HDAC9: variants seen among roughly 807,000 people sequenced by gnomAD.
The protein encoded by HDAC9 is histone deacetylase 9.
In HDAC9, 41 loss-of-function variants were observed where a neutral mutation model predicts 139.4. That is an observed-to-expected ratio of 0.29 (90% CI 0.23 to 0.38). The LOEUF (loss-of-function observed/expected upper bound fraction) is 0.38. Among genes scored for constraint, HDAC9 ranks in the 10% least tolerant of loss-of-function variants. HDAC9 has a pLI of 1.00. For missense variants in HDAC9, 1,147 were observed against 1,297.0 expected, an observed-to-expected ratio of 0.88 and a Z score of 1.78; for synonymous variants, 517 against 476.2, an observed-to-expected ratio of 1.09 and a Z score of -1.12.
chr7:18,439,072 C>T (rs937190978), intron 1 of HDAC9, among the ~76,000 whole-genome samples: 1 of 152,084 alleles, frequency 6.6e-6, no homozygotes, highest in Non-Finnish European at 1.5e-5. Flanking sequence ...AGTGTGAGTA[C>T]CCTCCACTTA....
intron 1 of HDAC9, among the ~76,000 whole-genome samples, chr7:18,092,761 T>G (rs1782251512): frequency 1.3e-5 from 2 of 152,192 alleles, no homozygotes. Context: ...TCATGATGAC[T>G]TCTTGGAAGA....
intron 2 of HDAC9, among the ~76,000 whole-genome samples, chr7:18,534,553 A>G (rs1468058898): frequency 6.6e-6 from 1 of 152,156 alleles, no homozygotes; most frequent in Non-Finnish European, 1.5e-5. Flanking sequence ...TCTAAAAAAA[A>G]ATTTAGAGAG....
rs145859975 is a variant in HDAC9 at position 18,818,590 on chromosome 7, C to G, written c.2323-10571C>G. ...AAAAATTAGTAAGTAGCTAGCAGGACTACTGGGTATTAAAGGTAGTATTAA... is the reference window on the plus strand; with the variant it reads ...AAAAATTAGTAAGTAGCTAGCAGGAGTACTGGGTATTAAAGGTAGTATTAA... On this transcript the variant is annotated intron_variant, in intron 17 of 25. Coordinates refer to ENST00000686413, the MANE Select transcript of HDAC9 (RefSeq NM_178425.4). Among the ~76,000 whole-genome samples, 744 of 152,254 alleles carry G rather than the reference C, an allele frequency of 4.9e-3. 4 individuals carry two copies. The highest frequency in any genetic ancestry group is 0.017 in the African/African-American group (699 of 41,542).
intron 2 of HDAC9, among the ~76,000 whole-genome samples, chr7:18,179,618 C>G (rs1283115532): frequency 1.3e-5 from 2 of 152,090 alleles, no homozygotes; most frequent in African/African-American, 4.8e-5. Flanking sequence ...TAAATAAACC[C>G]AAACGTCTTT....
chr7:18,835,821 T>C, intron 20 of HDAC9, 79 bp from the exon 21 acceptor site: 1 of 1,047,218 alleles, frequency 9.5e-7, no homozygotes, highest in Non-Finnish European at 1.4e-6. Context: ...AGAGCTCCCA[T>C]GTGCTTGTTT....
chr7:18,271,544 G>A (rs1796355140), intron 2 of HDAC9, among the ~76,000 whole-genome samples: 1 of 152,178 alleles, frequency 6.6e-6, no homozygotes, highest in South Asian at 2.1e-4. Context: ...TGATCCAGCT[G>A]TATAGACTAA....
chr7:18,595,572 G>A (rs978243017), intron 6 of HDAC9, among the ~76,000 whole-genome samples: 1 of 151,978 alleles, frequency 6.6e-6, no homozygotes, highest in African/African-American at 2.4e-5. Context: ...GGCAGTGAAT[G>A]GCATTCAAGA....
chr7:18,907,342 T>A (rs1175497858), intron 22 of HDAC9, among the ~76,000 whole-genome samples: 1 of 152,192 alleles, frequency 6.6e-6, no homozygotes, highest in Non-Finnish European at 1.5e-5. Context: ...TTAAACACAT[T>A]TGTCACTAGA....
intron 1 of HDAC9, among the ~76,000 whole-genome samples, chr7:18,339,541 T>TA (rs1292764324): frequency 3.3e-5 from 5 of 151,500 alleles, no homozygotes; most frequent in African/African-American, 1.2e-4. Context: ...ATTTGCATAG[T>TA]AGCTTCATTG....
intron 21 of HDAC9, among the ~76,000 whole-genome samples, chr7:18,871,998 C>T (rs1169716518): frequency 6.6e-6 from 1 of 152,040 alleles, no homozygotes; most frequent in Non-Finnish European, 1.5e-5. Flanking sequence ...ATGAATGAAC[C>T]TTACCAATGT....
chr7:18,225,994 T>C (rs1252657836), intron 2 of HDAC9, among the ~76,000 whole-genome samples: 2 of 152,210 alleles, frequency 1.3e-5, no homozygotes, highest in South Asian at 4.1e-4. Context: ...CTATCTCTCC[T>C]AATTTTACTC....
chr7:18,768,750 T>C (rs1057115793), intron 16 of HDAC9, among the ~76,000 whole-genome samples: 3 of 152,146 alleles, frequency 2.0e-5, no homozygotes, highest in African/African-American at 7.2e-5. Flanking sequence ...CAAACCCCAC[T>C]CTTTAGAAAT....
At chr7:18,930,939 C>A (rs557803698) in intron 22 of HDAC9, among the ~76,000 whole-genome samples, 1 of 152,044 alleles carries the variant, frequency 6.6e-6, no homozygotes, top group Non-Finnish European at 1.5e-5. Context: ...AGATTTGGAT[C>A]GCTCTGTCTC....
At chr7:18,219,528 A>G (rs2128174298) in intron 2 of HDAC9, among the ~76,000 whole-genome samples, 1 of 152,242 alleles carries the variant, frequency 6.6e-6, no homozygotes, top group Non-Finnish European at 1.5e-5. Context: ...ATCTGCCAAA[A>G]TTTGGTGAGT....
intron 1 of HDAC9, among the ~76,000 whole-genome samples, chr7:18,156,895 C>T (rs1010849518): frequency 2.0e-5 from 3 of 152,004 alleles, no homozygotes; most frequent in Non-Finnish European, 4.4e-5. Flanking sequence ...GAGGCTGAGG[C>T]AGGACGATAG....
intron 1 of HDAC9, among the ~76,000 whole-genome samples, chr7:18,435,919 AAGAG>A (rs200036138): frequency 1.1e-4 from 16 of 148,382 alleles, no homozygotes; most frequent in African/African-American, 3.2e-4. Context: ...ATAATATATA[AAGAG>A]AGAGAGAAAG....
intron 19 of HDAC9, among the ~76,000 whole-genome samples, chr7:18,834,054 G>A (rs1796050334): frequency 6.6e-6 from 1 of 152,156 alleles, no homozygotes; most frequent in South Asian, 2.1e-4. Flanking sequence ...TCAAGACCCA[G>A]TCTTGCAACT....
chr7:18,956,415 A>G (rs1783150734), intron 24 of HDAC9, among the ~76,000 whole-genome samples: 1 of 152,172 alleles, frequency 6.6e-6, no homozygotes, highest in South Asian at 2.1e-4. Flanking sequence ...GGAGGACAGG[A>G]ATCATATCTT....
intron 6 of HDAC9, among the ~76,000 whole-genome samples, chr7:18,605,054 C>T (rs10267406): frequency 0.023 from 3,492 of 152,142 alleles, 137 homozygotes; most frequent in African/African-American, 0.08. Flanking sequence ...CTGGCTGGGG[C>T]TGGGCTTTGT....
Sources: gnomAD v4.1 joint callset for allele counts (sites outside exome capture counted in the v4.1 genomes callset) on GRCh38, gnomAD v4.1.1 for gene constraint, MANE v1.5 for transcripts, NCBI Gene and HGNC (gene_info 2026-07-23, HGNC 2026-07-21) for gene names.